Variants in RRP9 observed in about 807,000 individuals in gnomAD.
RRP9 encodes the protein U3 small nucleolar RNA-interacting protein 2.
In RRP9, 35 loss-of-function variants were observed where a neutral mutation model predicts 65.5. The observed-to-expected ratio is 0.53, with a 90% CI of 0.41 to 0.71. The LOEUF is 0.71. Among genes scored for constraint, RRP9 ranks in the 30% least tolerant of loss-of-function variants. RRP9 has a pLI of 0.00. For synonymous variants in RRP9, 254 were observed against 245.0 expected (o/e 1.04, Z -0.34); for missense variants, 533 against 633.6 (o/e 0.84, Z 1.70).
rs1212532348 is a variant in RRP9, at chr3:51,937,260, G to A, written c.449C>T (p.Thr150Ile). 1 of 1,614,024 alleles carries A rather than the reference G, an allele frequency of 6.2e-7. No individual in the cohort carries two copies. The highest frequency in any genetic ancestry group is 1.3e-5 in the African/African-American group (1 of 74,938). Reference protein sequence around the residue: ...RVLRGHQLSITCLVVTPDDSA... With the variant: ...RVLRGHQLSIICLVVTPDDSA... ...GTCATCGGGGGTGACGACCAAACATGTGATAGAGAGCTGGTGCCCCCGTAA... is the reference window on the plus strand; with the variant it reads ...GTCATCGGGGGTGACGACCAAACATATGATAGAGAGCTGGTGCCCCCGTAA... The change falls in exon 6 of 15, where the codon ACA becomes ATA. Residue 150 changes from threonine to isoleucine, a missense_variant. Coordinates refer to ENST00000232888, the MANE Select transcript of RRP9 (RefSeq NM_004704.5). The surrounding 1 kb of genome is among the most constrained non-coding windows in gnomAD (Gnocchi z 5.0).
chr3:51,933,607 G>T lies in RRP9; in HGVS notation c.1335-8C>A. On this transcript the variant is annotated splice_polypyrimidine_tract_variant and splice_region_variant and intron_variant, in intron 14 of 14. Coordinates refer to ENST00000232888, the MANE Select transcript of RRP9 (RefSeq NM_004704.5). ...CTCCACCATCGGCCAAGCCTGCAGG[G>T]AGTGCAAGACGCAGCTGAGACTCGG... 1 of 1,613,774 alleles carries T rather than the reference G, an allele frequency of 6.2e-7. No homozygotes were observed. Among genetic ancestry groups the T allele is most frequent in the East Asian group, 2.2e-5 (1 of 44,864 alleles).
chr3:51,935,092 A>T, intron 11 of RRP9, 105 bp downstream of exon 11: 1 of 1,246,480 alleles, frequency 8.0e-7, no homozygotes, highest in East Asian at 2.3e-5. Flanking sequence ...AAGAGGTTAC[A>T]ACAGCTCCCC....
intron 2 of RRP9, among the ~76,000 whole-genome samples, chr3:51,939,638 G>A (rs1302964410): frequency 6.6e-6 from 1 of 152,186 alleles, no homozygotes; most frequent in East Asian, 1.9e-4. Flanking sequence ...TTTAAAAAGG[G>A]CATGTTACTA....
At position 51,937,760 on chromosome 3, in the gene RRP9, G is replaced by A. The variant is rs1009308841; in HGVS notation, c.281-24C>T. On this transcript the variant is annotated intron_variant, in intron 3 of 14. Coordinates refer to ENST00000232888, the MANE Select transcript of RRP9 (RefSeq NM_004704.5). This position sits in a 1 kb window ranked among gnomAD's most constrained non-coding sequence, Gnocchi z 5.0. ...CTCTGTGCAGGACAGACCAGACCAA[G>A]TAAACTGAGGCTGAGACCCCTCTTT... 6.2e-7 allele frequency: 1 copy of A among 1,613,254 alleles called. No individual in the cohort carries two copies. The highest frequency in any genetic ancestry group is 8.5e-7 in the Non-Finnish European group (1 of 1,179,734).
chr3:51,941,854 G>A lies in RRP9; in HGVS notation c.14C>T (p.Ala5Val), dbSNP rs1225981129. Residue 5 changes from alanine to valine, a missense_variant, in exon 1 of 15, where the codon GCG becomes GTG. Coordinates refer to ENST00000232888, the MANE Select transcript of RRP9 (RefSeq NM_004704.5). MSAT[A>V]AARKRGKPAS... ...CGGCTTTCCCCGCTTACGAGCAGCC[G>A]CTGTTGCCGACATGCTGCCCACCAG... 1.3e-6 allele frequency: 2 copies of A among 1,582,132 alleles called. No individual in the cohort carries two copies. The highest frequency in any genetic ancestry group is 8.5e-7 in the Non-Finnish European group (1 of 1,172,054).
Position 51,933,791 on chromosome 3 carries a change from A to G in RRP9, c.1261-10T>C. ...TGTTGATAAAACCCACCTGAGCAGA[A>G]AGACAACACGGAAAGACATTAGAAC... On this transcript the variant is annotated splice_polypyrimidine_tract_variant and intron_variant, in intron 13 of 14. Coordinates refer to ENST00000232888, the MANE Select transcript of RRP9 (RefSeq NM_004704.5). 2.5e-6 allele frequency: 4 copies of G among 1,613,850 alleles called. No individual in the cohort carries two copies. In the South Asian group the frequency reaches 4.4e-5, roughly 18 times the overall value.
In RRP9 at chr3:51,937,372, C is replaced by T. The variant is rs530305332; in HGVS notation, c.391-54G>A. On this transcript the variant is annotated intron_variant, in intron 5 of 14. Transcript: ENST00000232888. The surrounding 1 kb of genome is among the most constrained non-coding windows in gnomAD (Gnocchi z 5.0). ...GCTAGTGGCATAAAGGCACTACCTT[C>T]ACCAACCCCACTGCGTAGTGTTGGC... is the stretch of plus-strand genomic sequence containing the variant. The T allele has an allele frequency of 1.6e-5, 26 of 1,612,166 alleles. No homozygotes were observed. In the East Asian group the frequency reaches 5.8e-4, roughly 36 times the overall value.
Position 51,935,263 on chromosome 3 carries a change from G to A in RRP9, c.972-4C>T. On this transcript the variant is annotated splice_polypyrimidine_tract_variant and splice_region_variant and intron_variant, in intron 10 of 14. Transcript: ENST00000232888. ...GTGGATGCAGTCGATGGAGCCCCTG[G>A]AGAAAGGGGCTGTGAGGAGCGTGGC... The A allele has an allele frequency of 1.2e-6, 2 of 1,614,178 alleles. No homozygotes were observed. The highest frequency in any genetic ancestry group is 1.7e-6 in the Non-Finnish European group (2 of 1,180,014).
rs762472272 is a variant in RRP9 at position 51,935,609 on chromosome 3, G to T, written c.819C>A (p.Asn273Lys). The T allele has an allele frequency of 1.2e-6, 2 of 1,614,180 alleles. No individual in the cohort carries two copies. ...RSVKVWNVAE[N>K]SYVETLFGHQ... ...ACACTCACAGCGTCTCCACGTAGGA[G>T]TTCTCTGCCACATTCCACACCTTCA... The change falls in exon 9 of 15, where the codon AAC (asparagine) becomes AAA (lysine). Residue 273 changes from asparagine to lysine, a missense_variant. By Grantham distance (94) the Asn-to-Lys change is moderately conservative. Coordinates refer to ENST00000232888, the MANE Select transcript of RRP9 (RefSeq NM_004704.5).
rs564731051 is a variant in RRP9, at chr3:51,933,693, G to A, written c.1334+15C>T. The A allele has an allele frequency of 1.5e-5, 25 of 1,613,686 alleles. No individual in the cohort carries two copies. The South Asian group carries it at 2.1e-4, about 13-fold the overall frequency. ...CCTGCACCACCTTACCTGAACCCTC[G>A]AGGGCCACACATACCTGTGCTCCTG... On this transcript the variant is annotated intron_variant, in intron 14 of 14. Transcript: ENST00000232888.
In RRP9 at chr3:51,941,831, G is replaced by C. The variant is rs1366172707; in HGVS notation, c.37C>G (p.Pro13Ala). The part of the protein sequence containing the change: ...ATAAARKRGK[P>A]ASGAGAGAGA... ...GCGCCAGCCCCGGCCCCAGAGGCCG[G>C]CTTTCCCCGCTTACGAGCAGCCGCT... The change falls in exon 1 of 15, where the codon CCG becomes GCG. Residue 13 changes from proline (P) to alanine (A), a missense_variant. Physicochemically the swap from Pro to Ala is conservative, Grantham distance 27. Around this residue, in one of 3 missense-constraint regions of RRP9, gnomAD observed 77 missense variants for 60.5 expected, o/e 1.27. Transcript: ENST00000232888. 1.3e-6 allele frequency: 2 copies of C among 1,582,340 alleles called. No individual in the cohort carries two copies. Among genetic ancestry groups the C allele is most frequent in the Middle Eastern group, 3.7e-4 (2 of 5,358 alleles).
rs1312651396 is a variant in RRP9, at chr3:51,937,655, C to T, written c.348+14G>A. 1 of 1,614,096 alleles carries T rather than the reference C, an allele frequency of 6.2e-7. No individual in the cohort carries two copies. The highest frequency in any genetic ancestry group is 1.3e-5 in the African/African-American group (1 of 74,924). On this transcript the variant is annotated intron_variant, in intron 4 of 14. Coordinates refer to ENST00000232888, the MANE Select transcript of RRP9 (RefSeq NM_004704.5). The surrounding 1 kb of genome is among the most constrained non-coding windows in gnomAD (Gnocchi z 5.0). ...TCCACCCCCGTCCTCCCCCAACTCT[C>T]CCTCCACACTTACCACATCCTCCTT... is the stretch of plus-strand genomic sequence containing the variant.
Position 51,937,824 on chromosome 3 carries a change from G to A in RRP9, c.281-88C>T. On this transcript the variant is annotated intron_variant, in intron 3 of 14. Coordinates refer to ENST00000232888, the MANE Select transcript of RRP9 (RefSeq NM_004704.5). This position sits in a 1 kb window ranked among gnomAD's most constrained non-coding sequence, Gnocchi z 5.0. ...TCCCCATCCCACTGCCCCAGGGCTG[G>A]ATAATGCAGGAAGCTCCAGCTGCCT... 5.4e-6 allele frequency: 8 copies of A among 1,485,790 alleles called. No homozygotes were observed. Among genetic ancestry groups the A allele is most frequent in the East Asian group, 2.3e-5 (1 of 43,914 alleles). 92.0% of individuals were successfully genotyped at this position (1,485,790 alleles called of 1,614,324 possible). A position where few individuals can be genotyped will look rare whatever the true frequency, so the allele number is the denominator to read the frequency against.
In RRP9 at chr3:51,934,792, G is replaced by C; in HGVS notation, c.1035-16C>G. ...GGCCACAGAGCTATAAACAGGGAGG[G>C]AATACAGCAGTGAGGGGGCCAGAGG... On this transcript the variant is annotated splice_polypyrimidine_tract_variant and intron_variant, in intron 11 of 14. Transcript: ENST00000232888. The surrounding 1 kb of genome is among the most constrained non-coding windows in gnomAD (Gnocchi z 4.1). 8 of 1,606,398 alleles carry C rather than the reference G, an allele frequency of 5.0e-6. No individual in the cohort carries two copies. The highest frequency in any genetic ancestry group is 6.8e-6 in the Non-Finnish European group (8 of 1,175,422).
intron 2 of RRP9, among the ~76,000 whole-genome samples, chr3:51,938,723 C>T (rs955247348): frequency 5.3e-5 from 8 of 152,144 alleles, no homozygotes; most frequent in South Asian, 2.1e-4. Context: ...TGCTCCCAAA[C>T]AAGAGGGTAA....
chr3:51,937,472 C>A lies in RRP9; in HGVS notation c.390+73G>T. The A allele has an allele frequency of 1.2e-6, 2 of 1,607,398 alleles. No homozygotes were observed. Among genetic ancestry groups the A allele is most frequent in the Non-Finnish European group, 1.7e-6 (2 of 1,173,952 alleles). On this transcript the variant is annotated intron_variant, in intron 5 of 14. Transcript: ENST00000232888. This position sits in a 1 kb window ranked among gnomAD's most constrained non-coding sequence, Gnocchi z 5.0. ...AGATCCTTACCTGACCAGATAGGCC[C>A]AAGTGTCCACCATGTTCCAAGTGGG... is the stretch of plus-strand genomic sequence containing the variant.
Position 51,934,430 on chromosome 3 carries a change from G to A in RRP9, c.1260+42C>T, listed in dbSNP as rs775608788. 5.7e-6 allele frequency: 9 copies of A among 1,580,480 alleles called. No individual in the cohort carries two copies. In the Admixed American group the frequency reaches 1.5e-4, roughly 27 times the overall value. ...AGAGCTAACTCCAGGGGCCTAGGCA[G>A]TGTGGCAGAGACAGGCTGAGCATTC... is the stretch of plus-strand genomic sequence containing the variant. On this transcript the variant is annotated intron_variant, in intron 13 of 14. Transcript: ENST00000232888. This position sits in a 1 kb window ranked among gnomAD's most constrained non-coding sequence, Gnocchi z 4.1.
At chr3:51,933,623 T>A in intron 14 of RRP9, 24 bp from the exon 15 acceptor site, 2 of 1,612,312 alleles carry the variant, frequency 1.2e-6, no homozygotes, top group Non-Finnish European at 1.7e-6. Context: ...AAGACGCAGC[T>A]GAGACTCGGC....
Position 51,941,839 on chromosome 3 carries a change from C to A in RRP9, c.29G>T (p.Arg10Leu), listed in dbSNP as rs111654088. The A allele has an allele frequency of 6.4e-5, 101 of 1,583,098 alleles. 2 individuals are homozygous for A. In the African/African-American group the frequency reaches 8.1e-4, roughly 13 times the overall value. Residue 10 changes from arginine to leucine, a missense_variant, in exon 1 of 15, where the codon CGG becomes CTG. Transcript: ENST00000232888. MSATAAARK[R>L]GKPASGAGAG... is the part of the protein sequence containing the mutation. ...CCCGGCCCCAGAGGCCGGCTTTCCC[C>A]GCTTACGAGCAGCCGCTGTTGCCGA...
Sources: allele counts gnomAD v4.1 joint callset (sites outside exome capture counted in the v4.1 genomes callset), GRCh38; gene constraint gnomAD v4.1.1; regional missense constraint gnomAD v4.1.1; non-coding constraint Gnocchi (gnomAD v3.1); transcripts MANE v1.5; gene names NCBI Gene and HGNC (gene_info 2026-07-23, HGNC 2026-07-21).